Variants in PREX2 observed in about 807,000 individuals in gnomAD.
PREX2 encodes the protein phosphatidylinositol-3,4,5-trisphosphate dependent Rac exchange factor 2.
PREX2 carries 107 observed loss-of-function variants against 203.2 expected under a neutral mutation model. The ratio of observed to expected loss-of-function variants is 0.53; its 90% CI spans 0.45 to 0.62. The LOEUF (loss-of-function observed/expected upper bound fraction) is 0.62. PREX2 is among the 20% of genes least tolerant of loss of function. The pLI is 0.00. For missense variants in PREX2, 1,777 were observed against 1,955.9 expected, an observed-to-expected ratio of 0.91 and a Z score of 1.72; for synonymous variants, 672 against 663.6, an observed-to-expected ratio of 1.01 and a Z score of -0.19.
chr8:68,235,873 A>G lies in PREX2; in HGVS notation c.*4495A>G, dbSNP rs1296732532. On this transcript the variant is annotated 3_prime_UTR_variant, in exon 40 of 40. Coordinates refer to ENST00000288368, the MANE Select transcript of PREX2 (RefSeq NM_024870.4). ...ACTGTTAAAGTGTGGTCTGTGCATC[A>G]TTGAGCAATTGTTATGTAGACACAA... 1 of 152,150 alleles carries G rather than the reference A, an allele frequency of 6.6e-6. No individual in the cohort carries two copies. The highest frequency in any genetic ancestry group is 1.5e-5 in the Non-Finnish European group (1 of 68,026). The allele number at this position is 152,150 out of a possible 1,614,324, so 9.4% of individuals were successfully genotyped here. A position where few individuals can be genotyped will look rare whatever the true frequency, so the allele number is the denominator to read the frequency against.
At chr8:68,113,905 A>G (rs1372387439) in intron 25 of PREX2, among the ~76,000 whole-genome samples, 1 of 152,144 alleles carries the variant, frequency 6.6e-6, no homozygotes, top group Non-Finnish European at 1.5e-5. Flanking sequence ...TCTGTTGCCC[A>G]GGCTGGAGTG....
In PREX2 at chr8:68,157,571, T is replaced by C. The variant is rs1811564983; in HGVS notation, c.4346+135T>C. 1.1e-5 allele frequency: 5 copies of C among 470,296 alleles called. No individual in the cohort carries two copies. In the Admixed American group the frequency reaches 1.2e-4, roughly 11 times the overall value. 29.1% of individuals were successfully genotyped at this position (470,296 alleles called of 1,614,324 possible). A position where few individuals can be genotyped will look rare whatever the true frequency, so the allele number is the denominator to read the frequency against. ...TGATATAAATTCCTCGGATTTAGGG[T>C]TTAATATTTTAAATATTCTAATTTG... On this transcript the variant is annotated intron_variant, in intron 35 of 39. Coordinates refer to ENST00000288368, the MANE Select transcript of PREX2 (RefSeq NM_024870.4).
intron 35 of PREX2, among the ~76,000 whole-genome samples, chr8:68,185,978 A>T (rs1812181059): frequency 6.7e-6 from 1 of 148,512 alleles, no homozygotes; most frequent in African/African-American, 2.5e-5. Context: ...TTTGCCATTA[A>T]CTTTTCCCAT....
At chr8:68,087,962 C>G (rs1170819139) in intron 19 of PREX2, among the ~76,000 whole-genome samples, 153 bp downstream of exon 19, 2 of 151,778 alleles carry the variant, frequency 1.3e-5, no homozygotes, top group Non-Finnish European at 2.9e-5. Flanking sequence ...ATTCCAGAAA[C>G]ATTAAAAAAA....
In PREX2 at chr8:68,236,078, G is replaced by A. The variant is rs951561255; in HGVS notation, c.*4700G>A. 3.3e-5 allele frequency: 5 copies of A among 151,956 alleles called. No homozygotes were observed. Among genetic ancestry groups the A allele is most frequent in the Admixed American group, 6.6e-5 (1 of 15,226 alleles). The allele number at this position is 151,956 out of a possible 1,614,324, so 9.4% of individuals were successfully genotyped here. ...ATTGTTTTGTTTTGTATGAATGTAC[G>A]ACAAATCGAGTTGTTCAATGTATTG... On this transcript the variant is annotated 3_prime_UTR_variant, in exon 40 of 40. Transcript: ENST00000288368.
At chr8:68,170,588 C>T (rs1563573728) in intron 35 of PREX2, among the ~76,000 whole-genome samples, 1 of 152,200 alleles carries the variant, frequency 6.6e-6, no homozygotes, top group Non-Finnish European at 1.5e-5. Flanking sequence ...GCTGTTTCCA[C>T]AATATAACCT....
chr8:67,988,157 C>T (rs1806491330), intron 1 of PREX2, among the ~76,000 whole-genome samples: 1 of 152,106 alleles, frequency 6.6e-6, no homozygotes, highest in Non-Finnish European at 1.5e-5. Flanking sequence ...TAAAATATGC[C>T]AGAGCCCACA....
Position 68,021,950 on chromosome 8 carries a change from A to G in PREX2, c.337-86A>G. On this transcript the variant is annotated intron_variant, in intron 3 of 39. Coordinates refer to ENST00000288368, the MANE Select transcript of PREX2 (RefSeq NM_024870.4). The stretch of plus-strand genomic sequence containing the variant: ...AGCTCTTAAAACGTAGTAAACACTC[A>G]GTGAAGTTTCTTTAAGCATATCACA... 4 of 701,082 alleles carry G rather than the reference A, an allele frequency of 5.7e-6. No individual in the cohort carries two copies. The South Asian group carries it at 6.4e-5, about 11-fold the overall frequency. 43.4% of individuals were successfully genotyped at this position (701,082 alleles called of 1,614,324 possible). A position where few individuals can be genotyped will look rare whatever the true frequency, so the allele number is the denominator to read the frequency against.
intron 23 of PREX2, among the ~76,000 whole-genome samples, chr8:68,103,157 T>C (rs1810312603): frequency 6.6e-6 from 1 of 152,200 alleles, no homozygotes; most frequent in South Asian, 2.1e-4. Context: ...CCTTTGAATG[T>C]CTGAAGTCCC....
intron 34 of PREX2, among the ~76,000 whole-genome samples, chr8:68,147,830 C>A (rs904738062): frequency 4.6e-5 from 7 of 152,028 alleles, no homozygotes; most frequent in African/African-American, 1.7e-4. Flanking sequence ...CTTTGGAGGA[C>A]TGTGATTTAT....
intron 9 of PREX2, among the ~76,000 whole-genome samples, 189 bp downstream of exon 9, chr8:68,053,435 G>A (rs551101571): frequency 6.6e-6 from 1 of 152,130 alleles, no homozygotes; most frequent in Non-Finnish European, 1.5e-5. Context: ...ACTATGTGAC[G>A]TGAGCCTCAT....
rs59413880 is a variant in PREX2, at chr8:68,152,825, A to C, written c.4232-4497A>C. Among the ~76,000 whole-genome samples, 450 of 152,294 alleles carry C rather than the reference A, an allele frequency of 3.0e-3. 2 individuals carry two copies. Among genetic ancestry groups the C allele is most frequent in the African/African-American group, 0.01 (431 of 41,558 alleles). On this transcript the variant is annotated intron_variant, in intron 34 of 39. Transcript: ENST00000288368. ...TTCTCCTGGCAAAGCTTCTGCAGGC[A>C]TCTCAACTATTGTCAGTTTCTTGCT... is the stretch of plus-strand genomic sequence containing the variant.
At chr8:68,228,943 TTAA>T (rs1469512798) in intron 39 of PREX2, among the ~76,000 whole-genome samples, 16 of 113,860 alleles carry the variant, frequency 1.4e-4, no homozygotes, top group African/African-American at 4.4e-4. Flanking sequence ...CCTTGTCTCT[TTAA>T]AAAAAAAAAA....
chr8:68,160,719 T>C (rs1811636747), intron 35 of PREX2, among the ~76,000 whole-genome samples: 1 of 152,156 alleles, frequency 6.6e-6, no homozygotes, highest in East Asian at 1.9e-4. Context: ...ATGAGATTCA[T>C]TTAGCCAAAA....
At chr8:68,049,820 TAGTG>T (rs1212809756) in intron 8 of PREX2, among the ~76,000 whole-genome samples, 1 of 152,150 alleles carries the variant, frequency 6.6e-6, no homozygotes, top group Non-Finnish European at 1.5e-5. Context: ...TTAATGGCTT[TAGTG>T]AGGGTGTTCT....
intron 23 of PREX2, chr8:68,103,660 G>A (rs780350216): frequency 7.7e-6 from 4 of 519,184 alleles, no homozygotes; most frequent in Admixed American, 1.9e-5. Context: ...TGAAATGGCT[G>A]TATTTTGCCA....
At chr8:68,151,799 G>A (rs1186113975) in intron 34 of PREX2, among the ~76,000 whole-genome samples, 2 of 149,230 alleles carry the variant, frequency 1.3e-5, no homozygotes, top group African/African-American at 2.5e-5. Flanking sequence ...AAAAAAAGCT[G>A]CCACCCAAAC....
intron 23 of PREX2, among the ~76,000 whole-genome samples, chr8:68,104,460 C>T (rs1249177896): frequency 6.6e-6 from 1 of 152,160 alleles, no homozygotes; most frequent in Non-Finnish European, 1.5e-5. Flanking sequence ...GCTCTTCCCT[C>T]TGCCAAAAAT....
intron 37 of PREX2, 138 bp downstream of exon 37, chr8:68,192,663 G>A (rs1258203272): frequency 5.1e-5 from 31 of 612,670 alleles, no homozygotes; most frequent in South Asian, 8.8e-5. Context: ...GATTTTGGAC[G>A]TTTTCTGGTT....
Sources: gnomAD v4.1 joint callset for allele counts (sites outside exome capture counted in the v4.1 genomes callset) on GRCh38, gnomAD v4.1.1 for gene constraint, MANE v1.5 for transcripts, NCBI Gene and HGNC (gene_info 2026-07-23, HGNC 2026-07-21) for gene names.